The following AOAH variants were observed in gnomAD, a reference collection of about 807,000 sequenced individuals.
AOAH encodes the protein acyloxyacyl hydrolase (neutrophil).
In AOAH, 64 loss-of-function variants were observed where a neutral mutation model predicts 92.2. The ratio of observed to expected loss-of-function variants is 0.69; its 90% confidence interval spans 0.57 to 0.86. The LOEUF (loss-of-function observed/expected upper bound fraction) is 0.86. AOAH is among the 40% of genes least tolerant of loss of function. The probability of loss-of-function intolerance (pLI) is 0.00; values close to 1 mark genes in which losing one functional copy is unlikely to be tolerated. For missense variants in AOAH, 656 were observed against 694.6 expected (o/e 0.94, Z 0.62); for synonymous variants, 263 against 254.5 (o/e 1.03, Z -0.32).
chr7:36,555,115 G>A (rs1583806520), intron 13 of AOAH, among the ~76,000 whole-genome samples: 1 of 149,054 alleles, frequency 6.7e-6, no homozygotes, highest in East Asian at 2.0e-4. Context: ...GATATTGGCT[G>A]TGGGTTTGTC....
chr7:36,640,040 C>T (rs1793794359), intron 4 of AOAH, among the ~76,000 whole-genome samples: 1 of 152,076 alleles, frequency 6.6e-6, no homozygotes, highest in Non-Finnish European at 1.5e-5. Context: ...GGATGGGTGG[C>T]TTGTGTGTCC....
chr7:36,658,465 T>C (rs1033857007), intron 4 of AOAH, among the ~76,000 whole-genome samples: 4 of 152,118 alleles, frequency 2.6e-5, no homozygotes, highest in South Asian at 2.1e-4. Context: ...TCATCCAGAG[T>C]GTGCGGAGGG....
chr7:36,569,240 C>A (rs1460509554), intron 13 of AOAH, among the ~76,000 whole-genome samples: 1 of 152,068 alleles, frequency 6.6e-6, no homozygotes, highest in Non-Finnish European at 1.5e-5. Context: ...GCTAAGCTTG[C>A]TAAAACAAAA....
intron 1 of AOAH, among the ~76,000 whole-genome samples, chr7:36,721,012 G>A (rs375569302): frequency 3.3e-5 from 5 of 152,088 alleles, no homozygotes; most frequent in African/African-American, 4.8e-5. Flanking sequence ...CACCAGCTGC[G>A]AGAGAGCGGA....
At chr7:36,627,513 T>A (rs1247121396) in intron 6 of AOAH, among the ~76,000 whole-genome samples, 1 of 151,626 alleles carries the variant, frequency 6.6e-6, no homozygotes, top group Non-Finnish European at 1.5e-5. Context: ...AGAATCAATA[T>A]CATTAACTAT....
At chr7:36,545,680 T>C (rs1162052563) in intron 15 of AOAH, among the ~76,000 whole-genome samples, 1 of 152,216 alleles carries the variant, frequency 6.6e-6, no homozygotes, top group Non-Finnish European at 1.5e-5. Flanking sequence ...AATATGATGC[T>C]TGTATGAATG....
At chr7:36,661,986 G>A (rs192982482) in intron 3 of AOAH, among the ~76,000 whole-genome samples, 2 of 152,136 alleles carry the variant, frequency 1.3e-5, no homozygotes, top group Admixed American at 6.5e-5. Context: ...CAGTTGTAAC[G>A]GTTGCTAAAC....
chr7:36,521,512 C>T (rs1784106042), intron 20 of AOAH, among the ~76,000 whole-genome samples: 1 of 152,214 alleles, frequency 6.6e-6, no homozygotes, highest in African/African-American at 2.4e-5. Flanking sequence ...AGCTACTTTA[C>T]AGAACTGTAC....
intron 1 of AOAH, among the ~76,000 whole-genome samples, chr7:36,718,124 C>A (rs1184372950): frequency 6.6e-6 from 1 of 151,776 alleles, no homozygotes; most frequent in Non-Finnish European, 1.5e-5. Context: ...AAAAGACAAA[C>A]CCAATTTAAA....
chr7:36,688,957 A>G (rs1389159146), intron 1 of AOAH, among the ~76,000 whole-genome samples: 2 of 152,122 alleles, frequency 1.3e-5, no homozygotes, highest in Admixed American at 6.5e-5. Flanking sequence ...ACACATATGT[A>G]TGTGTATATA....
intron 13 of AOAH, among the ~76,000 whole-genome samples, chr7:36,565,601 C>T (rs1023345416): frequency 2.6e-5 from 4 of 151,326 alleles, no homozygotes; most frequent in East Asian, 1.9e-4. Context: ...GGCGCAAACA[C>T]GGCTCACTGT....
At chr7:36,583,202 T>C (rs1789059098) in intron 12 of AOAH, among the ~76,000 whole-genome samples, 1 of 152,080 alleles carries the variant, frequency 6.6e-6, no homozygotes, top group Non-Finnish European at 1.5e-5. Flanking sequence ...GCTCCAGCAG[T>C]AGGGTTGGTG....
intron 4 of AOAH, among the ~76,000 whole-genome samples, chr7:36,646,690 T>G (rs988626177): frequency 3.3e-5 from 5 of 152,222 alleles, no homozygotes; most frequent in Non-Finnish European, 7.3e-5. Flanking sequence ...TTGGTTCCTT[T>G]TGTAGGTTCC....
intron 11 of AOAH, among the ~76,000 whole-genome samples, chr7:36,610,112 TTTTTTTC>T (rs1173190255): frequency 1.5e-5 from 2 of 135,290 alleles, no homozygotes; most frequent in South Asian, 2.3e-4. Context: ...GGTTTTTTTC[TTTTTTTC>T]TTTTTTCTTT....
At chr7:36,563,346 GTTTC>G (rs1294702639) in intron 13 of AOAH, among the ~76,000 whole-genome samples, 4 of 151,534 alleles carry the variant, frequency 2.6e-5, no homozygotes, top group African/African-American at 9.7e-5. Context: ...GAACTAGAGG[GTTTC>G]TTCTTGAAGT....
intron 11 of AOAH, among the ~76,000 whole-genome samples, chr7:36,608,919 G>A (rs1277244263): frequency 7.7e-6 from 1 of 129,852 alleles, no homozygotes; most frequent in African/African-American, 2.8e-5. Context: ...GAGGGGGGGG[G>A]GTCTGGTACA....
chr7:36,518,826 C>T (rs1259414373), intron 20 of AOAH, among the ~76,000 whole-genome samples: 1 of 152,148 alleles, frequency 6.6e-6, no homozygotes, highest in Non-Finnish European at 1.5e-5. Flanking sequence ...TATTCAATCA[C>T]CCGATGATCT....
chr7:36,563,681 T>A (rs1787454244), intron 13 of AOAH, among the ~76,000 whole-genome samples: 1 of 152,220 alleles, frequency 6.6e-6, no homozygotes, highest in South Asian at 2.1e-4. Flanking sequence ...CTAAAATACA[T>A]CTATTAACAT....
chr7:36,714,662 G>A (rs1400847042), intron 1 of AOAH, among the ~76,000 whole-genome samples: 3 of 152,148 alleles, frequency 2.0e-5, no homozygotes, highest in African/African-American at 7.2e-5. Context: ...GGGATGCAAG[G>A]CTGGTTCAAC....
Sources: gnomAD v4.1 joint callset for allele counts (sites outside exome capture counted in the v4.1 genomes callset) on GRCh38, gnomAD v4.1.1 for gene constraint, MANE v1.5 for transcripts, NCBI Gene and HGNC (gene_info 2026-07-23, HGNC 2026-07-21) for gene names.